The following CADM2 variants were observed in gnomAD, a reference collection of about 807,000 sequenced individuals.
CADM2 encodes the protein cell adhesion molecule 2, also known as immunoglobulin superfamily member 4D.
A neutral mutation model predicts 49.8 loss-of-function variants in CADM2; 12 were observed. The ratio of observed to expected loss-of-function variants is 0.24; its 90% CI spans 0.15 to 0.39. CADM2 has a LOEUF of 0.39. Ranked by LOEUF, CADM2 falls within the 10% of genes least tolerant of loss-of-function variation. The pLI is 1.00. For synonymous variants in CADM2, 214 were observed against 175.4 expected (o/e 1.22, Z -1.74); for missense variants, 378 against 492.3 (o/e 0.77, Z 2.20).
chr3:85,882,115 AC>A (rs1712882687), intron 3 of CADM2, among the ~76,000 whole-genome samples: 1 of 151,942 alleles, frequency 6.6e-6, no homozygotes, highest in South Asian at 2.1e-4. Flanking sequence ...AAAGAGGATT[AC>A]TTCCAGGGCT....
chr3:85,545,486 T>C (rs1264890723), intron 1 of CADM2, among the ~76,000 whole-genome samples: 1 of 152,222 alleles, frequency 6.6e-6, no homozygotes, highest in Admixed American at 6.5e-5. Context: ...TTCCAAACTA[T>C]ATCTGTGTGA....
intron 1 of CADM2, among the ~76,000 whole-genome samples, chr3:85,112,517 A>T (rs1348478086): frequency 6.6e-6 from 1 of 151,864 alleles, no homozygotes; most frequent in Non-Finnish European, 1.5e-5. Context: ...TAGGAGGAAA[A>T]GTCACTGCTA....
intron 1 of CADM2, among the ~76,000 whole-genome samples, chr3:85,268,161 G>A (rs1212300698): frequency 6.6e-6 from 1 of 151,428 alleles, no homozygotes; most frequent in Non-Finnish European, 1.5e-5. Flanking sequence ...GATGTCTTAG[G>A]ATGAACTGGT....
intron 1 of CADM2, among the ~76,000 whole-genome samples, chr3:85,070,944 G>A (rs1030392714): frequency 2.0e-5 from 3 of 151,556 alleles, no homozygotes; most frequent in Non-Finnish European, 4.4e-5. Flanking sequence ...AGCCGAGATC[G>A]CGCCACCGCA....
chr3:85,688,475 TGAG>T (rs1367712310), intron 1 of CADM2, among the ~76,000 whole-genome samples: 2 of 152,090 alleles, frequency 1.3e-5, no homozygotes, highest in African/African-American at 4.8e-5. Flanking sequence ...GAGAAGATGT[TGAG>T]GCACTGGAAT....
chr3:85,016,157 A>G (rs1362001242), intron 1 of CADM2, among the ~76,000 whole-genome samples: 1 of 152,214 alleles, frequency 6.6e-6, no homozygotes, highest in Non-Finnish European at 1.5e-5. Flanking sequence ...AAGAATATAA[A>G]GTAATGCCAG....
At chr3:85,204,568 A>G (rs1468319116) in intron 1 of CADM2, among the ~76,000 whole-genome samples, 2 of 152,168 alleles carry the variant, frequency 1.3e-5, no homozygotes, top group East Asian at 3.9e-4. Flanking sequence ...TATTCATGAC[A>G]CTATAATGTA....
intron 6 of CADM2, among the ~76,000 whole-genome samples, chr3:85,923,785 TC>T (rs1410977919): frequency 6.6e-6 from 1 of 152,192 alleles, no homozygotes; most frequent in African/African-American, 2.4e-5. Context: ...TAGCCAATAA[TC>T]AGCTCCCTGT....
intron 1 of CADM2, among the ~76,000 whole-genome samples, chr3:85,365,121 GT>G (rs1215709734): frequency 7.0e-6 from 1 of 142,334 alleles, no homozygotes; most frequent in Admixed American, 7.2e-5. Context: ...TATGATGAAG[GT>G]TTTTCTATTT....
chr3:85,072,920 C>T (rs1333061020), intron 1 of CADM2, among the ~76,000 whole-genome samples: 7 of 151,804 alleles, frequency 4.6e-5, no homozygotes, highest in Non-Finnish European at 8.8e-5. Flanking sequence ...GACATTTAAC[C>T]CTTGAAATTA....
intron 1 of CADM2, among the ~76,000 whole-genome samples, chr3:85,057,112 TAAAC>T (rs2036110428): frequency 6.6e-6 from 1 of 152,134 alleles, no homozygotes. Flanking sequence ...ACAGATTTCT[TAAAC>T]AGATGAAATT....
At chr3:85,769,522 CATATATGTATATATA>C (rs2069925113) in intron 2 of CADM2, among the ~76,000 whole-genome samples, 1 of 110,468 alleles carries the variant, frequency 9.1e-6, no homozygotes, top group Non-Finnish European at 1.7e-5. Context: ...CACGTATATA[CATATATGTATATATA>C]CACGTATATA....
chr3:85,510,977 A>G (rs2040588811), intron 1 of CADM2, among the ~76,000 whole-genome samples: 1 of 152,142 alleles, frequency 6.6e-6, no homozygotes, highest in South Asian at 2.1e-4. Flanking sequence ...AAGAGTAAGC[A>G]GTTCATAAGT....
chr3:85,805,768 G>C (rs1424035733), intron 3 of CADM2, among the ~76,000 whole-genome samples: 3 of 152,202 alleles, frequency 2.0e-5, no homozygotes, highest in Non-Finnish European at 2.9e-5. Flanking sequence ...AGTTAGACTA[G>C]AGTAACGCAT....
intron 2 of CADM2, among the ~76,000 whole-genome samples, chr3:85,741,618 A>C (rs772696165): frequency 6.6e-5 from 10 of 152,158 alleles, no homozygotes; most frequent in Non-Finnish European, 1.5e-4. Flanking sequence ...CAGTGAGCCG[A>C]GATCGTGCCA....
intron 2 of CADM2, among the ~76,000 whole-genome samples, chr3:85,796,359 C>G (rs944095659): frequency 4.6e-5 from 7 of 152,128 alleles, no homozygotes; most frequent in African/African-American, 1.7e-4. Flanking sequence ...CGCCTCACCT[C>G]ACTTCACAAG....
At chr3:85,923,192 TGTAAA>T (rs1322906268) in intron 6 of CADM2, among the ~76,000 whole-genome samples, 1 of 152,150 alleles carries the variant, frequency 6.6e-6, no homozygotes, top group Non-Finnish European at 1.5e-5. Context: ...TTATGGACTG[TGTAAA>T]GTAAATTCTT....
chr3:85,675,787 A>AT (rs1271729716), intron 1 of CADM2, among the ~76,000 whole-genome samples: 1 of 152,194 alleles, frequency 6.6e-6, no homozygotes, highest in African/African-American at 2.4e-5. Context: ...TGTTGTCTAA[A>AT]TTTTATCCTA....
intron 8 of CADM2, among the ~76,000 whole-genome samples, chr3:86,008,702 C>T (rs573457007): frequency 3.3e-4 from 50 of 151,982 alleles, no homozygotes; most frequent in African/African-American, 1.2e-3. Context: ...CTATTGAATG[C>T]TTTTTTCTAG....
Sources: gnomAD v4.1 joint callset for allele counts (sites outside exome capture counted in the v4.1 genomes callset) on GRCh38, gnomAD v4.1.1 for gene constraint, MANE v1.5 for transcripts, NCBI Gene and HGNC (gene_info 2026-07-23, HGNC 2026-07-21) for gene names.